Variants in LEMD3 observed in about 807,000 individuals in gnomAD.
LEMD3 encodes the protein inner nuclear membrane protein Man1.
LEMD3 carries 33 observed loss-of-function variants against 95.2 expected under a neutral mutation model. That is an observed-to-expected ratio of 0.35 (90% CI 0.26 to 0.46). The LOEUF (loss-of-function observed/expected upper bound fraction) is 0.46. Among genes scored for constraint, LEMD3 ranks in the 20% least tolerant of loss-of-function variants. The pLI is 1.00. For missense variants in LEMD3, 1,210 were observed against 1,192.8 expected, an observed-to-expected ratio of 1.01 and a Z score of -0.21; for synonymous variants, 525 against 474.6, an observed-to-expected ratio of 1.11 and a Z score of -1.38.
rs765824548 is a variant in LEMD3, at chr12:65,246,298, C to A, written c.2709C>A (p.Gly903=). The change falls in exon 13 of 13, where the codon GGC becomes GGA. Residue 903 remains glycine, a synonymous_variant. Coordinates refer to ENST00000308330, the MANE Select transcript of LEMD3 (RefSeq NM_014319.5). ...TGTCTCATCTTCGTCTTCGGACTGG[C>A]CTAACCAATTCTCAAGGAAGTTCCT... The part of the protein sequence containing the change: ...NSMSHLRLRT[G]LTNSQGSS The A allele has an allele frequency of 6.2e-7, 1 of 1,613,410 alleles. No homozygotes were observed. The highest frequency in any genetic ancestry group is 8.5e-7 in the Non-Finnish European group (1 of 1,179,540).
intron 4 of LEMD3, among the ~76,000 whole-genome samples, chr12:65,234,705 CTCTTT>C (rs1383505633): frequency 6.6e-6 from 1 of 152,032 alleles, no homozygotes; most frequent in African/African-American, 2.4e-5. Flanking sequence ...ACAACAGATC[CTCTTT>C]TCTTACCCTT....
At position 65,233,028 on chromosome 12, in the gene LEMD3, TATG is replaced by T. The variant is rs1870675236; in HGVS notation, c.1696-5471_1696-5469del. Among the ~76,000 whole-genome samples, 6 of 152,100 alleles carry T rather than the reference TATG, an allele frequency of 3.9e-5. No homozygotes were observed. In the South Asian group the frequency reaches 1.2e-3, roughly 31 times the overall value. Reference sequence around the variant, plus strand: ...GAGAAGTGGAGTGAGGGGGAAATTTTATGATAATAATTAAGGTTTATAAAGTAC... The same window carrying T: ...GAGAAGTGGAGTGAGGGGGAAATTTTATAATAATTAAGGTTTATAAAGTAC... On this transcript the variant is annotated intron_variant, in intron 4 of 12. Transcript: ENST00000308330.
At chr12:65,230,263 C>G (rs1240528425) in intron 4 of LEMD3, among the ~76,000 whole-genome samples, 1 of 152,062 alleles carries the variant, frequency 6.6e-6, no homozygotes, top group Admixed American at 6.6e-5. Flanking sequence ...TCCTTTTGCT[C>G]AGGATTGCTT....
intron 1 of LEMD3, among the ~76,000 whole-genome samples, chr12:65,193,492 C>T (rs905443576): frequency 2.6e-5 from 4 of 152,040 alleles, no homozygotes; most frequent in Non-Finnish European, 5.9e-5. Flanking sequence ...TTTTCCCTTA[C>T]CACTCACATG....
intron 1 of LEMD3, among the ~76,000 whole-genome samples, chr12:65,188,101 A>G (rs1869121252): frequency 6.6e-6 from 1 of 152,140 alleles, no homozygotes; most frequent in South Asian, 2.1e-4. Flanking sequence ...TTGAAATCAG[A>G]GAATAAAGCA....
rs762691731 is a variant in LEMD3 at position 65,239,912 on chromosome 12, G to T, written c.1922-17G>T. The stretch of plus-strand genomic sequence containing the variant: ...TTGACCACAATTTTTAAAATACAAA[G>T]TATATTAATATTACAGGTGTAGTGA... On this transcript the variant is annotated splice_polypyrimidine_tract_variant and intron_variant, in intron 6 of 12. Transcript: ENST00000308330. The T allele has an allele frequency of 8.5e-6, 13 of 1,523,708 alleles. 1 individual carries two copies. The Admixed American group carries it at 2.0e-4, about 24-fold the overall frequency. The allele number at this position is 1,523,708 out of a possible 1,614,324, so 94.4% of individuals were successfully genotyped here.
rs1868507255 is a variant in LEMD3 at position 65,170,586 on chromosome 12, G to A, written c.990G>A (p.Arg330=). The part of the protein sequence containing the change: ...DRAAAAGSLD[R]SRNLEEAAAA... ...CGGCGGCTGCCGGGAGTCTAGACAG[G>A]AGCCGAAACCTCGAAGAGGCGGCGG... is the stretch of plus-strand genomic sequence containing the variant. Residue 330 remains arginine (R), a synonymous_variant, in exon 1 of 13, where the codon AGG becomes AGA. Coordinates refer to ENST00000308330, the MANE Select transcript of LEMD3 (RefSeq NM_014319.5). 6.2e-7 allele frequency: 1 copy of A among 1,614,028 alleles called. No homozygotes were observed. The highest frequency in any genetic ancestry group is 1.6e-4 in the Middle Eastern group (1 of 6,062).
intron 1 of LEMD3, among the ~76,000 whole-genome samples, chr12:65,194,270 C>T (rs1378003684): frequency 1.3e-5 from 2 of 152,072 alleles, no homozygotes; most frequent in Non-Finnish European, 2.9e-5. Context: ...TTGCCTGTTG[C>T]CCAGATAGAG....
At chr12:65,227,274 T>A (rs1437677796) in intron 4 of LEMD3, among the ~76,000 whole-genome samples, 1 of 152,234 alleles carries the variant, frequency 6.6e-6, no homozygotes. Context: ...CTTATCCCAT[T>A]CAGTGTTTCT....
intron 4 of LEMD3, among the ~76,000 whole-genome samples, chr12:65,220,826 G>A (rs1166881311): frequency 6.6e-6 from 1 of 152,120 alleles, no homozygotes; most frequent in Non-Finnish European, 1.5e-5. Flanking sequence ...TGAAGAGATT[G>A]TCATTTCTCC....
At chr12:65,185,582 T>C (rs1436039823) in intron 1 of LEMD3, among the ~76,000 whole-genome samples, 2 of 151,936 alleles carry the variant, frequency 1.3e-5, no homozygotes, top group Non-Finnish European at 2.9e-5. Context: ...AGTACTGTTA[T>C]GGGGAATCTG....
In LEMD3 at chr12:65,170,772, T is replaced by C. The variant is rs759594603; in HGVS notation, c.1176T>C (p.His392=). The part of the protein sequence containing the change: ...STGSLLKTNN[H]IGGGAFSVDS... ...GCTCCCTTCTGAAAACCAATAATCATATTGGCGGTGGGGCCTTCAGTGTGG... is the reference window on the plus strand; with the variant it reads ...GCTCCCTTCTGAAAACCAATAATCACATTGGCGGTGGGGCCTTCAGTGTGG... The change falls in exon 1 of 13, where the codon CAT becomes CAC. Residue 392 remains histidine, a synonymous_variant. Transcript: ENST00000308330. 4.8e-5 allele frequency: 77 copies of C among 1,614,190 alleles called. 1 individual carries two copies. In the South Asian group the frequency reaches 8.1e-4, roughly 17 times the overall value.
At chr12:65,233,524 C>A (rs778935491) in intron 4 of LEMD3, among the ~76,000 whole-genome samples, 69 of 152,242 alleles carry the variant, frequency 4.5e-4, no homozygotes, top group Non-Finnish European at 4.6e-4. Flanking sequence ...ACATCCTGTT[C>A]AGCATTGTGG....
intron 1 of LEMD3, among the ~76,000 whole-genome samples, chr12:65,178,198 G>C (rs188264726): frequency 6.7e-6 from 1 of 150,206 alleles, no homozygotes. Context: ...GAAGTTTTAC[G>C]AGTTGACTGC....
At chr12:65,207,026 A>G (rs1335522353) in intron 1 of LEMD3, among the ~76,000 whole-genome samples, 1 of 152,158 alleles carries the variant, frequency 6.6e-6, no homozygotes, top group Non-Finnish European at 1.5e-5. Context: ...TCAAGGAAGC[A>G]ACTTAACCTC....
At chr12:65,177,124 G>A (rs1868744091) in intron 1 of LEMD3, among the ~76,000 whole-genome samples, 1 of 152,158 alleles carries the variant, frequency 6.6e-6, no homozygotes, top group Non-Finnish European at 1.5e-5. Context: ...ATGATCAAAA[G>A]TTCTAAATTC....
intron 2 of LEMD3, among the ~76,000 whole-genome samples, chr12:65,211,877 T>C (rs1264781483): frequency 6.6e-6 from 1 of 152,182 alleles, no homozygotes; most frequent in Non-Finnish European, 1.5e-5. Flanking sequence ...AAACTGAAAT[T>C]CTGAACTTCT....
chr12:65,205,569 T>C (rs930958859), intron 1 of LEMD3, among the ~76,000 whole-genome samples: 9 of 151,900 alleles, frequency 5.9e-5, no homozygotes, highest in African/African-American at 2.2e-4. Flanking sequence ...ATGTACTTTC[T>C]GTTATTTTTA....
chr12:65,171,335 T>C, intron 1 of LEMD3: 1 of 699,508 alleles, frequency 1.4e-6, no homozygotes, highest in Admixed American at 3.1e-5. Context: ...TGATGTATTG[T>C]GAAATTCAAA....
Sources: gnomAD v4.1 joint callset for allele counts (sites outside exome capture counted in the v4.1 genomes callset) on GRCh38, gnomAD v4.1.1 for gene constraint, MANE v1.5 for transcripts, NCBI Gene and HGNC (gene_info 2026-07-23, HGNC 2026-07-21) for gene names.